Variants in SLC35F3 observed in about 807,000 individuals in gnomAD.
SLC35F3 encodes putative thiamine transporter SLC35F3.
SLC35F3 carries 25 observed loss-of-function variants against 49.9 expected under a neutral mutation model. The ratio of observed to expected loss-of-function variants is 0.50; its 90% CI spans 0.37 to 0.70. SLC35F3 has a LOEUF of 0.70. SLC35F3 is among the 30% of genes least tolerant of loss of function. The pLI is 0.00. For missense variants in SLC35F3, 525 were observed against 639.8 expected (o/e 0.82, Z 1.94); for synonymous variants, 275 against 265.4 (o/e 1.04, Z -0.35).
intron 2 of SLC35F3, among the ~76,000 whole-genome samples, chr1:234,069,888 A>G (rs1323577654): frequency 6.6e-6 from 1 of 152,180 alleles, no homozygotes; most frequent in Non-Finnish European, 1.5e-5. Flanking sequence ...AGACTGTGCT[A>G]CATTCTGGCT....
intron 2 of SLC35F3, among the ~76,000 whole-genome samples, chr1:233,988,979 A>G (rs183700588): frequency 2.6e-5 from 4 of 152,358 alleles, no homozygotes; most frequent in Non-Finnish European, 5.9e-5. Context: ...TTAGAAAACT[A>G]TTAAATTTCC....
intron 2 of SLC35F3, among the ~76,000 whole-genome samples, chr1:234,120,625 C>T (rs1372284466): frequency 6.6e-6 from 1 of 152,226 alleles, no homozygotes; most frequent in East Asian, 1.9e-4. Flanking sequence ...AAAGATCACA[C>T]CTGGCTTGAC....
rs781469880 is a variant in SLC35F3, at chr1:234,081,904, ATTTTTTTTTT to A, written c.284-149490_284-149481del. Among the ~76,000 whole-genome samples, 324 of 39,246 alleles carry A rather than the reference ATTTTTTTTTT, an allele frequency of 8.3e-3. 1 individual carries two copies. The Middle Eastern group carries it at 0.083, about 10-fold the overall frequency. The allele number at this position is 39,246 out of a possible 152,430, so 25.7% of individuals were successfully genotyped here. On this transcript the variant is annotated intron_variant, in intron 2 of 7. Transcript: ENST00000366618. ...AGGCGCCTGCCACCATGCCTGGCTA[ATTTTTTTTTT>A]TTTTTTTTTTTTTTTTTTTTTTAGT...
chr1:234,239,783 G>A (rs928320377), intron 3 of SLC35F3, among the ~76,000 whole-genome samples: 12 of 152,244 alleles, frequency 7.9e-5, no homozygotes, highest in Non-Finnish European at 1.6e-4. Flanking sequence ...CTTGCCATTA[G>A]ATAGTTTGGG....
intron 3 of SLC35F3, among the ~76,000 whole-genome samples, chr1:234,304,335 A>AT (rs985633362): frequency 6.6e-6 from 1 of 151,730 alleles, no homozygotes; most frequent in African/African-American, 2.4e-5. Flanking sequence ...TAATTTTTAT[A>AT]TTTTTTTAGT....
chr1:234,062,390 G>A (rs552501408), intron 2 of SLC35F3, among the ~76,000 whole-genome samples: 6 of 152,298 alleles, frequency 3.9e-5, no homozygotes, highest in African/African-American at 1.4e-4. Flanking sequence ...TGTCCTGGGG[G>A]CATAAATTGT....
At chr1:234,006,811 G>T (rs1663637584) in intron 2 of SLC35F3, among the ~76,000 whole-genome samples, 1 of 152,148 alleles carries the variant, frequency 6.6e-6, no homozygotes, top group African/African-American at 2.4e-5. Context: ...ATGAAGTGGG[G>T]AGCTACCATA....
intron 3 of SLC35F3, among the ~76,000 whole-genome samples, chr1:234,260,779 C>G (rs1464591133): frequency 3.3e-5 from 5 of 152,098 alleles, no homozygotes; most frequent in Non-Finnish European, 7.4e-5. Flanking sequence ...CCGGGAGAAA[C>G]TCCGCATACA....
intron 2 of SLC35F3, among the ~76,000 whole-genome samples, chr1:234,001,938 A>C (rs1663561022): frequency 6.6e-6 from 1 of 152,158 alleles, no homozygotes; most frequent in African/African-American, 2.4e-5. Flanking sequence ...TACTATGAGC[A>C]CTTAGTAACA....
At chr1:234,101,351 G>A (rs1406341456) in intron 2 of SLC35F3, among the ~76,000 whole-genome samples, 1 of 152,040 alleles carries the variant, frequency 6.6e-6, no homozygotes, top group Admixed American at 6.6e-5. Context: ...AAAGAAACAT[G>A]GCACCATGTT....
At chr1:234,135,092 A>G (rs1469699844) in intron 2 of SLC35F3, among the ~76,000 whole-genome samples, 1 of 152,194 alleles carries the variant, frequency 6.6e-6, no homozygotes, top group East Asian at 1.9e-4. Flanking sequence ...GCATTTAAAC[A>G]GGCTGATCAG....
chr1:234,100,343 A>C (rs957789217), intron 2 of SLC35F3, among the ~76,000 whole-genome samples: 3 of 152,178 alleles, frequency 2.0e-5, no homozygotes, highest in African/African-American at 7.2e-5. Flanking sequence ...AATATTTCCA[A>C]TAACAGTTAT....
chr1:234,042,039 C>G (rs1228582678), intron 2 of SLC35F3, among the ~76,000 whole-genome samples: 1 of 152,164 alleles, frequency 6.6e-6, no homozygotes, highest in Non-Finnish European at 1.5e-5. Flanking sequence ...AAATCTCCCT[C>G]CTACTGCTAG....
chr1:234,322,089 G>A (rs1344933240), intron 7 of SLC35F3, among the ~76,000 whole-genome samples: 1 of 151,976 alleles, frequency 6.6e-6, no homozygotes, highest in Non-Finnish European at 1.5e-5. Context: ...CAGCTACTCA[G>A]GAGGCTGGAT....
chr1:234,169,774 T>G (rs1666370471), intron 2 of SLC35F3, among the ~76,000 whole-genome samples: 1 of 152,142 alleles, frequency 6.6e-6, no homozygotes. Flanking sequence ...TGTTTTGTTT[T>G]GTTTTGTTTT....
In SLC35F3 at chr1:234,214,135, G is replaced by T. The variant is rs1355658618; in HGVS notation, c.284-17282G>T. ...GGCTGGGAGGAAGACAGGGATGAGG[G>T]CTGCGGGGCTGGGCGTCCCGGGGAG... On this transcript the variant is annotated intron_variant, in intron 2 of 7. Coordinates refer to ENST00000366618, the MANE Select transcript of SLC35F3 (RefSeq NM_173508.4). This position sits in a 1 kb window ranked among gnomAD's most constrained non-coding sequence, Gnocchi z 8.0. The T allele has an allele frequency of 1.9e-6, 2 of 1,045,696 alleles. No homozygotes were observed. Among genetic ancestry groups the T allele is most frequent in the Non-Finnish European group, 2.3e-6 (2 of 868,770 alleles). The allele number at this position is 1,045,696 out of a possible 1,614,324, so 64.8% of individuals were successfully genotyped here.
At chr1:234,256,823 C>A (rs1288788003) in intron 3 of SLC35F3, among the ~76,000 whole-genome samples, 14 of 152,200 alleles carry the variant, frequency 9.2e-5, no homozygotes. Context: ...ATTTGGCCAC[C>A]CCATCCAGCA....
At chr1:233,960,110 T>C (rs1662770352) in intron 2 of SLC35F3, among the ~76,000 whole-genome samples, 1 of 152,206 alleles carries the variant, frequency 6.6e-6, no homozygotes, top group Admixed American at 6.5e-5. Flanking sequence ...GACCTGTCTG[T>C]CTAGGTGTGG....
chr1:233,913,269 G>A (rs1190809602), intron 2 of SLC35F3, among the ~76,000 whole-genome samples: 1 of 152,162 alleles, frequency 6.6e-6, no homozygotes, highest in Non-Finnish European at 1.5e-5. Context: ...CAGGAGTGTC[G>A]TGTATGAAGT....
Sources: gnomAD v4.1 joint callset for allele counts (sites outside exome capture counted in the v4.1 genomes callset) on GRCh38, gnomAD v4.1.1 for gene constraint, Gnocchi (gnomAD v3.1) non-coding constraint, MANE v1.5 for transcripts, NCBI Gene and HGNC (gene_info 2026-07-23, HGNC 2026-07-21) for gene names.